Variants in NHSL2 observed in about 807,000 individuals in gnomAD.
NHSL2 encodes the protein NHS-like protein 2.
A neutral mutation model predicts 53.4 loss-of-function variants in NHSL2; 27 were observed. The ratio of observed to expected loss-of-function variants is 0.51; its 90% confidence interval spans 0.37 to 0.70. The LOEUF is 0.70. Ranked by LOEUF, NHSL2 falls within the 30% of genes least tolerant of loss-of-function variation. The pLI is 0.00. For synonymous variants in NHSL2, 408 were observed against 404.1 expected (o/e 1.01, Z -0.12); for missense variants, 892 against 980.1 (o/e 0.91, Z 1.20).
chrX:72,042,732 G>C (rs1226718141), intron 1 of NHSL2, among the ~76,000 whole-genome samples: 2 of 89,061 alleles, frequency 2.2e-5, no homozygotes, highest in Non-Finnish European at 4.5e-5. Context: ...AGAGTGTCTG[G>C]CCAAGAAGAC....
intron 1 of NHSL2, among the ~76,000 whole-genome samples, chrX:72,073,051 C>T (rs775741623): frequency 1.5e-4 from 17 of 111,985 alleles, no homozygotes; most frequent in African/African-American, 4.9e-4. Flanking sequence ...TGGGAAGATG[C>T]GATGTGAGAT....
At chrX:71,919,693 A>T (rs1292483913) in intron 1 of NHSL2, among the ~76,000 whole-genome samples, 1 of 110,861 alleles carries the variant, frequency 9.0e-6, no homozygotes, top group East Asian at 2.8e-4. Context: ...TCGCCAACCA[A>T]GGGGGAAAAC....
chrX:71,921,038 C>T (rs1249784319), intron 1 of NHSL2, among the ~76,000 whole-genome samples: 3 of 109,127 alleles, frequency 2.7e-5, no homozygotes, highest in African/African-American at 6.7e-5. Flanking sequence ...CTCCTGACCT[C>T]GTGATCCGCC....
At chrX:71,989,786 A>G (rs940289725) in intron 1 of NHSL2, among the ~76,000 whole-genome samples, 2 of 112,296 alleles carry the variant, frequency 1.8e-5, no homozygotes, top group Admixed American at 1.9e-4. Context: ...CAAATGAACC[A>G]TCCCTATGGG....
chrX:72,049,707 T>C (rs187392116), intron 1 of NHSL2, among the ~76,000 whole-genome samples: 164 of 108,195 alleles, frequency 1.5e-3, no homozygotes, highest in Middle Eastern at 9.3e-3. Flanking sequence ...CCCCGGTTCT[T>C]ACCTCAGGCA....
chrX:72,031,549 C>A (rs1259115598), intron 1 of NHSL2, among the ~76,000 whole-genome samples: 1 of 111,642 alleles, frequency 9.0e-6, no homozygotes, highest in Non-Finnish European at 1.9e-5. Context: ...AAGCTTTGAA[C>A]CTCTCTAGGA....
At chrX:72,091,010 A>G (rs1234565933) in intron 1 of NHSL2, among the ~76,000 whole-genome samples, 1 of 111,677 alleles carries the variant, frequency 9.0e-6, no homozygotes, top group Non-Finnish European at 1.9e-5. Flanking sequence ...AATTTATCTG[A>G]CCCGTCTCCT....
intron 1 of NHSL2, among the ~76,000 whole-genome samples, chrX:72,040,657 A>G (rs1249627048): frequency 1.8e-5 from 2 of 112,407 alleles, no homozygotes; most frequent in Non-Finnish European, 3.8e-5. Flanking sequence ...GAGCACGTGC[A>G]GTGTGCCAGG....
intron 1 of NHSL2, among the ~76,000 whole-genome samples, chrX:71,962,089 C>A (rs758095098): frequency 8.9e-6 from 1 of 111,885 alleles, no homozygotes; most frequent in Admixed American, 9.5e-5. Flanking sequence ...TGGTCTTTTT[C>A]CTTTATTTTA....
chrX:72,047,824 C>CA (rs1353881505), intron 1 of NHSL2, among the ~76,000 whole-genome samples: 1 of 110,758 alleles, frequency 9.0e-6, no homozygotes, highest in African/African-American at 3.3e-5. Flanking sequence ...CTAAATAGGG[C>CA]AAAGAGGAGG....
intron 1 of NHSL2, among the ~76,000 whole-genome samples, chrX:72,065,947 C>T (rs753479572): frequency 2.1e-4 from 24 of 111,962 alleles, no homozygotes; most frequent in South Asian, 7.4e-4. Flanking sequence ...CAGATGAAGC[C>T]GGTTCTGAGT....
chrX:71,968,092 G>T (rs1400067907), intron 1 of NHSL2, among the ~76,000 whole-genome samples: 7 of 108,894 alleles, frequency 6.4e-5, no homozygotes, highest in Non-Finnish European at 1.1e-4. Flanking sequence ...ATATTCTTGG[G>T]CTCAAGCAAT....
At chrX:72,119,518 A>T (rs368913458) in intron 1 of NHSL2, among the ~76,000 whole-genome samples, 1 of 112,537 alleles carries the variant, frequency 8.9e-6, no homozygotes, top group East Asian at 2.8e-4. Context: ...TTTTGATGAT[A>T]TTGTAAATGG....
chrX:72,137,185 G>A lies in NHSL2; in HGVS notation c.852G>A (p.Arg284=). ...CCAAGTCCACCCTGAGGCGGAGGCGGACCATTATTGGATTCTCTAACTTTT... is the reference window on the plus strand; with the variant it reads ...CCAAGTCCACCCTGAGGCGGAGGCGAACCATTATTGGATTCTCTAACTTTT... ...VNPKSTLRRR[R]TIIGFSNFSQ... The change falls in exon 5 of 8, where the codon CGG becomes CGA. Residue 284 remains arginine (R), a synonymous_variant. Coordinates refer to ENST00000633930, the MANE Select transcript of NHSL2 (RefSeq NM_001013627.3). The A allele has an allele frequency of 2.6e-6, 3 of 1,166,598 alleles. No homozygotes were observed. The highest frequency in any genetic ancestry group is 3.4e-6 in the Non-Finnish European group (3 of 872,146).
At chrX:72,023,401 T>C (rs2042169640) in intron 1 of NHSL2, among the ~76,000 whole-genome samples, 1 of 112,609 alleles carries the variant, frequency 8.9e-6, no homozygotes, top group Non-Finnish European at 1.9e-5. Flanking sequence ...TTGTCTGCTT[T>C]TTCCAAAATG....
chrX:72,000,237 G>A (rs754051904), intron 1 of NHSL2, among the ~76,000 whole-genome samples: 8 of 111,571 alleles, frequency 7.2e-5, no homozygotes, highest in African/African-American at 6.5e-5. Flanking sequence ...TCTGTGCGAG[G>A]CTGTACTATC....
chrX:72,104,419 C>T (rs1569480427), intron 1 of NHSL2, among the ~76,000 whole-genome samples: 1 of 112,115 alleles, frequency 8.9e-6, no homozygotes, highest in Non-Finnish European at 1.9e-5. Context: ...CATTAGGCTC[C>T]TGATGGAGTC....
intron 1 of NHSL2, among the ~76,000 whole-genome samples, chrX:71,925,873 C>A (rs1350266228): frequency 3.6e-5 from 4 of 111,524 alleles, no homozygotes; most frequent in Admixed American, 9.6e-5. Flanking sequence ...CATCCATGTT[C>A]TCCATCACAA....
chrX:71,975,783 G>C (rs2041945764), intron 1 of NHSL2, among the ~76,000 whole-genome samples: 1 of 111,792 alleles, frequency 8.9e-6, no homozygotes, highest in East Asian at 2.8e-4. Flanking sequence ...CTGTCTCAGG[G>C]AGAAAGCTGC....
Sources: allele counts gnomAD v4.1 joint callset (sites outside exome capture counted in the v4.1 genomes callset), GRCh38; gene constraint gnomAD v4.1.1; transcripts MANE v1.5; gene names NCBI Gene and HGNC (gene_info 2026-07-23, HGNC 2026-07-21).